The following MTHFD1 variants were observed in gnomAD, a reference collection of about 807,000 sequenced individuals.
MTHFD1 encodes the protein C-1-tetrahydrofolate synthase, cytoplasmic.
MTHFD1 carries 44 observed loss-of-function variants against 110.3 expected under a neutral mutation model. The observed-to-expected ratio is 0.40, with a 90% CI of 0.31 to 0.51. The LOEUF (loss-of-function observed/expected upper bound fraction) is 0.51, where lower values mean the gene tolerates loss of function less well. Ranked by LOEUF, MTHFD1 falls within the 20% of genes least tolerant of loss-of-function variation. The pLI is 0.60. For missense variants in MTHFD1, 909 were observed against 1,173.1 expected (o/e 0.77, Z 3.29); for synonymous variants, 402 against 428.8 (o/e 0.94, Z 0.77).
chr14:64,414,146 C>T (rs1054241085), intron 4 of MTHFD1, among the ~76,000 whole-genome samples: 7 of 152,160 alleles, frequency 4.6e-5, no homozygotes, highest in Admixed American at 2.0e-4. Context: ...AGGCATGCGC[C>T]ACCACGCCCA....
At position 64,431,558 on chromosome 14, in the gene MTHFD1, C is replaced by A. The variant is rs369074686; in HGVS notation, c.1338C>A (p.Ile446=). 1.4e-5 allele frequency: 22 copies of A among 1,614,120 alleles called. No homozygotes were observed. Among genetic ancestry groups the A allele is most frequent in the Admixed American group, 3.3e-5 (2 of 60,018 alleles). ...EEFNLHLTGD[I]HAITAANNLV... The stretch of plus-strand genomic sequence containing the variant: ...TTAATCTCCACCTCACAGGTGACAT[C>A]CATGCCATCACTGCAGCTAATAACC... The change falls in exon 14 of 28, where the codon ATC becomes ATA. Residue 446 remains isoleucine (I), a synonymous_variant. Transcript: ENST00000652337.
chr14:64,427,500 G>A (rs1315010855), intron 12 of MTHFD1, 27 bp downstream of exon 12: 7 of 1,613,272 alleles, frequency 4.3e-6, no homozygotes, highest in African/African-American at 4.0e-5. Flanking sequence ...ACCATGGGTG[G>A]TGACAGGGGA....
intron 2 of MTHFD1, among the ~76,000 whole-genome samples, chr14:64,403,425 G>A (rs1431878093): frequency 1.3e-5 from 2 of 151,848 alleles, no homozygotes; most frequent in African/African-American, 4.8e-5. Flanking sequence ...CAGGTGCCAC[G>A]CCCAGCTAAT....
intron 16 of MTHFD1, among the ~76,000 whole-genome samples, chr14:64,437,993 C>A (rs1363703073): frequency 6.6e-6 from 1 of 152,142 alleles, no homozygotes; most frequent in East Asian, 1.9e-4. Context: ...CCTGCCTCAG[C>A]CTCCTGAGAA....
intron 9 of MTHFD1, among the ~76,000 whole-genome samples, chr14:64,425,375 G>A (rs1412254473): frequency 6.6e-6 from 1 of 151,970 alleles, no homozygotes; most frequent in East Asian, 1.9e-4. Flanking sequence ...ACCACGCCCG[G>A]CGAATTTTGT....
At chr14:64,449,048 C>CGTA in intron 23 of MTHFD1, 1 of 320,500 alleles carries the variant, frequency 3.1e-6, no homozygotes, top group East Asian at 7.9e-5. Flanking sequence ...ATTCTCCCAC[C>CGTA]TCGGCCTCCC....
Position 64,429,261 on chromosome 14 carries a change from A to AACAT in MTHFD1, c.1265-922_1265-921insCATA, listed in dbSNP as rs11158541. Among the ~76,000 whole-genome samples, 7 of 108,240 alleles carry AACAT rather than the reference A, an allele frequency of 6.5e-5. No individual in the cohort carries two copies. The South Asian group carries it at 8.5e-4, about 13-fold the overall frequency. 71.0% of individuals were successfully genotyped at this position (108,240 alleles called of 152,430 possible). A position where few individuals can be genotyped will look rare whatever the true frequency, so the allele number is the denominator to read the frequency against. ...GACAGTATGAGACTCTGTCTAAAAA[A>AACAT]ATATATATCTGATTTACATTTATTG... On this transcript the variant is annotated intron_variant, in intron 12 of 27. Transcript: ENST00000652337.
chr14:64,420,408 A>G (rs1426560864), intron 8 of MTHFD1, among the ~76,000 whole-genome samples: 1 of 152,026 alleles, frequency 6.6e-6, no homozygotes, highest in Non-Finnish European at 1.5e-5. Context: ...TCATGTCCAA[A>G]ACTGTACTCG....
At chr14:64,458,181 T>G in intron 26 of MTHFD1, 33 bp from the exon 27 acceptor site, 6 of 1,478,338 alleles carry the variant, frequency 4.1e-6, no homozygotes, top group African/African-American at 1.4e-5. Context: ...GTGCCCAGCA[T>G]TAGTTTATTT....
intron 9 of MTHFD1, 115 bp from the exon 10 acceptor site, chr14:64,425,615 A>G: frequency 3.5e-6 from 3 of 862,986 alleles, no homozygotes; most frequent in East Asian, 4.8e-5. Context: ...CATGGTAATA[A>G]GTGGGTCTGA....
In MTHFD1 at chr14:64,439,087, C is replaced by T. The variant is rs571189516; in HGVS notation, c.1598-9C>T. 7.5e-6 allele frequency: 12 copies of T among 1,610,426 alleles called. No individual in the cohort carries two copies. The South Asian group carries it at 1.3e-4, about 18-fold the overall frequency. On this transcript the variant is annotated splice_polypyrimidine_tract_variant and intron_variant, in intron 16 of 27. Coordinates refer to ENST00000652337, the MANE Select transcript of MTHFD1 (RefSeq NM_005956.4). ...CAAAATCGTTCTATATCTTGCCTGT[C>T]TGCTGTAGTGTTGGATACCAATGAT... is the stretch of plus-strand genomic sequence containing the variant.
chr14:64,418,549 TC>T (rs1341247511), intron 7 of MTHFD1, among the ~76,000 whole-genome samples: 2 of 152,174 alleles, frequency 1.3e-5, no homozygotes, highest in African/African-American at 4.8e-5. Flanking sequence ...TCTTCCTTTT[TC>T]TTTTTTCTTT....
intron 8 of MTHFD1, among the ~76,000 whole-genome samples, chr14:64,422,762 C>A (rs1240346274): frequency 6.6e-6 from 1 of 152,082 alleles, no homozygotes; most frequent in Non-Finnish European, 1.5e-5. Flanking sequence ...AAGAGAAATT[C>A]TAGGGCTGGG....
chr14:64,415,218 A>C, intron 4 of MTHFD1, 140 bp from the exon 5 acceptor site: 4 of 709,238 alleles, frequency 5.6e-6, no homozygotes, highest in South Asian at 1.6e-5. Flanking sequence ...CTCAGGATTC[A>C]AGGGGAAGGT....
intron 2 of MTHFD1, among the ~76,000 whole-genome samples, chr14:64,402,173 C>T (rs2077902906): frequency 6.6e-6 from 1 of 152,210 alleles, no homozygotes; most frequent in Non-Finnish European, 1.5e-5. Context: ...CACTTTGTTA[C>T]ATCAAAATGT....
Position 64,412,518 on chromosome 14 carries a change from A to C in MTHFD1, c.233A>C (p.Glu78Ala). The change falls in exon 4 of 28, where the codon GAA becomes GCA. Residue 78 changes from glutamate (E) to alanine (A), a missense_variant. Physicochemically the swap from Glu to Ala is moderately radical, Grantham distance 107 (BLOSUM62 -1). This residue lies in a region of MTHFD1 where 424 missense variants were observed against 510.4 expected (regional missense o/e 0.83). Transcript: ENST00000652337. Reference sequence around the variant, plus strand: ...ATTAAGTTACCAAGAACAACCACAGAATCTGAGGTGAGCTTTTATGAGTTG... The same window carrying C: ...ATTAAGTTACCAAGAACAACCACAGCATCTGAGGTGAGCTTTTATGAGTTG... Reference protein sequence around the residue: ...THIKLPRTTTESEVMKYITSL... With the variant: ...THIKLPRTTTASEVMKYITSL... The C allele has an allele frequency of 6.2e-7, 1 of 1,612,958 alleles. No homozygotes were observed. The highest frequency in any genetic ancestry group is 8.5e-7 in the Non-Finnish European group (1 of 1,179,026).
chr14:64,424,862 A>C lies in MTHFD1; in HGVS notation c.786A>C (p.Lys262Asn), dbSNP rs2078107055. The change falls in exon 9 of 28, where the codon AAA (lysine) becomes AAC (asparagine). Residue 262 changes from lysine to asparagine, a missense_variant. Transcript: ENST00000652337. ...GTGATGTGGCATACGACGAGGCCAA[A>C]GAGAGGGCGAGCTTCATCACTCCTG... ...VVGDVAYDEA[K>N]ERASFITPVP... 1 of 1,614,218 alleles carries C rather than the reference A, an allele frequency of 6.2e-7. No homozygotes were observed. The highest frequency in any genetic ancestry group is 8.5e-7 in the Non-Finnish European group (1 of 1,180,040).
chr14:64,454,950 C>A (rs1566579064), intron 26 of MTHFD1, 75 bp downstream of exon 26: 3 of 1,486,756 alleles, frequency 2.0e-6, no homozygotes, highest in Admixed American at 1.7e-5. Context: ...AACCATCAAG[C>A]AAATGCCAAG....
intron 13 of MTHFD1, among the ~76,000 whole-genome samples, chr14:64,431,093 AAGAC>A (rs2078156035): frequency 7.4e-6 from 1 of 134,448 alleles, no homozygotes; most frequent in Admixed American, 7.5e-5. Context: ...TTTTTTTTTT[AAGAC>A]AGAGTCTCAC....
Sources: allele counts gnomAD v4.1 joint callset (sites outside exome capture counted in the v4.1 genomes callset), GRCh38; gene constraint gnomAD v4.1.1; regional missense constraint gnomAD v4.1.1; transcripts MANE v1.5; gene names NCBI Gene and HGNC (gene_info 2026-07-23, HGNC 2026-07-21).